Variants in SEL1L2 observed in about 807,000 individuals in gnomAD.
SEL1L2 encodes the protein protein sel-1 homolog 2.
SEL1L2 carries 89 observed loss-of-function variants against 98.8 expected under a neutral mutation model. That is an observed-to-expected ratio of 0.90 (90% CI 0.76 to 1.07). SEL1L2 has a LOEUF of 1.07. Among genes scored for constraint, SEL1L2 ranks in the 50% least tolerant of loss-of-function variants. SEL1L2 has a pLI of 0.00. For synonymous variants in SEL1L2, 262 were observed against 278.5 expected (o/e 0.94, Z 0.59); for missense variants, 788 against 812.0 (o/e 0.97, Z 0.36).
At chr20:13,914,411 T>C (rs2048320202) in intron 4 of SEL1L2, among the ~76,000 whole-genome samples, 1 of 152,220 alleles carries the variant, frequency 6.6e-6, no homozygotes, top group Admixed American at 6.5e-5. Flanking sequence ...ATCAGAAGAA[T>C]GATGATCCCT....
intron 1 of SEL1L2, among the ~76,000 whole-genome samples, chr20:13,964,390 C>T (rs951092757): frequency 1.3e-5 from 2 of 149,084 alleles, no homozygotes; most frequent in East Asian, 3.9e-4. Context: ...GCAACCTGCC[C>T]TTTTTCGTTG....
At chr20:13,887,707 G>T in intron 8 of SEL1L2, 62 bp downstream of exon 8, 1 of 1,052,068 alleles carries the variant, frequency 9.5e-7, no homozygotes, top group Non-Finnish European at 1.5e-6. Flanking sequence ...AACTGTTATT[G>T]ATTTATTTTT....
At chr20:13,963,041 AG>A (rs1281024544) in intron 1 of SEL1L2, among the ~76,000 whole-genome samples, 2 of 148,460 alleles carry the variant, frequency 1.3e-5, no homozygotes, top group African/African-American at 5.0e-5. Context: ...ACTCCAGCCT[AG>A]GCAGCAGAGC....
At chr20:13,907,594 T>G (rs1343519894) in intron 5 of SEL1L2, among the ~76,000 whole-genome samples, 1 of 152,030 alleles carries the variant, frequency 6.6e-6, no homozygotes, top group Non-Finnish European at 1.5e-5. Flanking sequence ...CAGAAAATAA[T>G]TGCCACAAAT....
At chr20:13,947,447 C>A (rs2050067598) in intron 2 of SEL1L2, among the ~76,000 whole-genome samples, 2 of 152,148 alleles carry the variant, frequency 1.3e-5, no homozygotes, top group South Asian at 4.1e-4. Context: ...AAGGAGCTAC[C>A]CACTTTGGGT....
chr20:13,864,669 T>C (rs892741666), intron 17 of SEL1L2, among the ~76,000 whole-genome samples: 2 of 152,216 alleles, frequency 1.3e-5, no homozygotes, highest in African/African-American at 4.8e-5. Context: ...GTTTGGTTTT[T>C]TATTCTTACA....
At chr20:13,958,932 A>AAG (rs1555896925) in intron 1 of SEL1L2, among the ~76,000 whole-genome samples, 10 of 151,426 alleles carry the variant, frequency 6.6e-5, no homozygotes, top group Non-Finnish European at 1.5e-4. Flanking sequence ...CAAAAAAAAA[A>AAG]AAAAAAAGTT....
intron 5 of SEL1L2, among the ~76,000 whole-genome samples, chr20:13,910,266 A>G (rs2048158306): frequency 6.6e-6 from 1 of 152,222 alleles, no homozygotes; most frequent in Non-Finnish European, 1.5e-5. Context: ...AAATTGTTAC[A>G]CAACAGTATT....
At chr20:13,945,801 A>T (rs1270343511) in intron 2 of SEL1L2, among the ~76,000 whole-genome samples, 1 of 152,206 alleles carries the variant, frequency 6.6e-6, no homozygotes, top group African/African-American at 2.4e-5. Context: ...AAATTATGTA[A>T]TATGTCACAT....
At chr20:13,907,960 A>C (rs2048038177) in intron 5 of SEL1L2, among the ~76,000 whole-genome samples, 1 of 149,438 alleles carries the variant, frequency 6.7e-6, no homozygotes, top group Non-Finnish European at 1.5e-5. Flanking sequence ...ACTTATTTAT[A>C]TTTTTTTGTA....
chr20:13,871,912 T>C (rs1173906797), intron 12 of SEL1L2, among the ~76,000 whole-genome samples: 1 of 152,186 alleles, frequency 6.6e-6, no homozygotes, highest in Non-Finnish European at 1.5e-5. Flanking sequence ...CCAAATTTCT[T>C]CTTACCACCT....
intron 8 of SEL1L2, among the ~76,000 whole-genome samples, chr20:13,886,659 G>A (rs189583444): frequency 1.6e-3 from 251 of 152,130 alleles, no homozygotes; most frequent in Admixed American, 6.9e-3. Flanking sequence ...AGGCAGAGGC[G>A]GGCAAATCAC....
chr20:13,914,221 C>T (rs924871167), intron 4 of SEL1L2, among the ~76,000 whole-genome samples: 1 of 152,034 alleles, frequency 6.6e-6, no homozygotes, highest in African/African-American at 2.4e-5. Context: ...ATATAAGATA[C>T]ACCATCTTAT....
At chr20:13,976,210 C>T (rs1170429465) in intron 1 of SEL1L2, among the ~76,000 whole-genome samples, 1 of 151,998 alleles carries the variant, frequency 6.6e-6, no homozygotes, top group Non-Finnish European at 1.5e-5. Context: ...CCATGTTGGC[C>T]AGGCTGGTCT....
intron 2 of SEL1L2, among the ~76,000 whole-genome samples, chr20:13,946,043 CT>C (rs1300514610): frequency 6.6e-6 from 1 of 152,124 alleles, no homozygotes; most frequent in Admixed American, 6.6e-5. Context: ...AGACCAAAAG[CT>C]TTTCCTCTGA....
chr20:13,959,500 A>G (rs1045497973), intron 1 of SEL1L2, among the ~76,000 whole-genome samples: 9 of 152,186 alleles, frequency 5.9e-5, no homozygotes, highest in Admixed American at 2.0e-4. Context: ...AAAGGGCCCA[A>G]TTCTTCTCCA....
intron 3 of SEL1L2, among the ~76,000 whole-genome samples, chr20:13,921,238 T>A (rs1350032069): frequency 6.6e-6 from 1 of 152,216 alleles, no homozygotes; most frequent in Non-Finnish European, 1.5e-5. Flanking sequence ...AGTGGTGCAA[T>A]CTTGGCTCAC....
chr20:13,885,116 T>C (rs2046890381), intron 10 of SEL1L2, among the ~76,000 whole-genome samples: 2 of 152,086 alleles, frequency 1.3e-5, no homozygotes, highest in Admixed American at 1.3e-4. Flanking sequence ...CCTGCCTCGA[T>C]TGCTCCTCAG....
At chr20:13,971,787 GGA>G (rs1287458584) in intron 1 of SEL1L2, among the ~76,000 whole-genome samples, 2 of 151,874 alleles carry the variant, frequency 1.3e-5, no homozygotes, top group African/African-American at 4.8e-5. Flanking sequence ...GTATGAAGTG[GGA>G]TCTACCATTT....
Sources: allele counts gnomAD v4.1 joint callset (sites outside exome capture counted in the v4.1 genomes callset), GRCh38; gene constraint gnomAD v4.1.1; transcripts MANE v1.5; gene names NCBI Gene and HGNC (gene_info 2026-07-23, HGNC 2026-07-21).